The following CTNND2 variants were observed in gnomAD, a reference collection of about 807,000 sequenced individuals.
CTNND2 encodes the protein catenin delta 2, also known as catenin delta-2.
CTNND2 carries 22 observed loss-of-function variants against 144.4 expected under a neutral mutation model. That is an observed-to-expected ratio of 0.15 (90% CI 0.11 to 0.22). The LOEUF is 0.22. CTNND2 is among the 10% of genes least tolerant of loss of function. The probability of loss-of-function intolerance (pLI) is 1.00; values close to 1 mark genes in which losing one functional copy is unlikely to be tolerated. For missense variants in CTNND2, 1,353 were observed against 1,618.8 expected, an observed-to-expected ratio of 0.84 and a Z score of 2.82; for synonymous variants, 751 against 695.6, an observed-to-expected ratio of 1.08 and a Z score of -1.25.
rs16901934 is a variant in CTNND2, at chr5:11,848,759, A to G, written c.37+55058T>C. ...GGCATATGGTATATGTGGATTGTGT[A>G]TCATGTGAGTCAAATCCTGACCCAA... On this transcript the variant is annotated intron_variant, in intron 1 of 21. Transcript: ENST00000304623. Among the ~76,000 whole-genome samples the G allele has an allele frequency of 0.016, 2,407 of 152,218 alleles. 143 individuals carry two copies. The East Asian group carries it at 0.21, about 13-fold the overall frequency.
intron 3 of CTNND2, among the ~76,000 whole-genome samples, chr5:11,412,361 T>A (rs141834331): frequency 2.6e-5 from 4 of 152,168 alleles, no homozygotes. Flanking sequence ...TTCTTTACAA[T>A]AGCTTCTCTA....
At chr5:11,518,298 GAAT>G (rs59746661) in intron 3 of CTNND2, among the ~76,000 whole-genome samples, 91,983 of 151,674 alleles carry the variant, frequency 0.61, 28,470 homozygotes, top group African/African-American at 0.71. Flanking sequence ...AAAGCTTATA[GAAT>G]AATGATAGAA....
intron 16 of CTNND2, among the ~76,000 whole-genome samples, chr5:11,064,121 G>GCCC (rs2149600261): frequency 6.6e-6 from 1 of 152,198 alleles, no homozygotes; most frequent in Admixed American, 6.5e-5. Context: ...TGGAAGAAAT[G>GCCC]GAGTCCTCTT....
intron 3 of CTNND2, among the ~76,000 whole-genome samples, chr5:11,468,913 C>T (rs563503666): frequency 6.6e-6 from 1 of 152,256 alleles, no homozygotes; most frequent in Admixed American, 6.5e-5. Flanking sequence ...GTCACATTTG[C>T]CTGTGCTGTG....
At chr5:11,265,271 A>C (rs781075474) in intron 9 of CTNND2, among the ~76,000 whole-genome samples, 2 of 152,216 alleles carry the variant, frequency 1.3e-5, no homozygotes, top group African/African-American at 2.4e-5. Context: ...GGAAAAAATA[A>C]TGTACATGAG....
At chr5:11,878,488 G>A (rs1344940920) in intron 1 of CTNND2, among the ~76,000 whole-genome samples, 2 of 152,156 alleles carry the variant, frequency 1.3e-5, no homozygotes, top group Non-Finnish European at 2.9e-5. Flanking sequence ...TCAATACATA[G>A]AGAAAACAGA....
chr5:11,368,809 C>G (rs558051479), intron 7 of CTNND2, among the ~76,000 whole-genome samples: 2 of 152,280 alleles, frequency 1.3e-5, no homozygotes, highest in South Asian at 4.1e-4. Context: ...ACACCAAACT[C>G]TTTGATCCCC....
chr5:11,352,499 C>A (rs1422282173), intron 8 of CTNND2, among the ~76,000 whole-genome samples: 1 of 152,106 alleles, frequency 6.6e-6, no homozygotes, highest in Non-Finnish European at 1.5e-5. Flanking sequence ...CACCATGGCA[C>A]ACATTTATCT....
intron 7 of CTNND2, among the ~76,000 whole-genome samples, chr5:11,371,366 T>C (rs1172737005): frequency 6.6e-6 from 1 of 152,262 alleles, no homozygotes; most frequent in African/African-American, 2.4e-5. Flanking sequence ...CAGAAATGTG[T>C]ACTAGGTAAA....
rs897081709 is a variant in CTNND2 at position 10,977,020 on chromosome 5, C to A, written c.3418-3307G>T. Among the ~76,000 whole-genome samples the A allele has an allele frequency of 2.0e-5, 3 of 152,226 alleles. No homozygotes were observed. The East Asian group carries it at 5.8e-4, about 29-fold the overall frequency. ...CTGAATCAGGGCCTCTGGCGATGGG[C>A]CCCAGCAATCTGTGCTTTAACAGCC... On this transcript the variant is annotated intron_variant, in intron 21 of 21. Transcript: ENST00000304623.
chr5:11,466,041 A>C (rs145741111), intron 3 of CTNND2, among the ~76,000 whole-genome samples: 2 of 152,254 alleles, frequency 1.3e-5, no homozygotes, highest in Non-Finnish European at 2.9e-5. Flanking sequence ...TGGGGTTTTC[A>C]CTCTGTCACC....
At chr5:11,784,069 C>G (rs4530757) in intron 1 of CTNND2, among the ~76,000 whole-genome samples, 123,992 of 152,214 alleles carry the variant, frequency 0.81, 54,918 homozygotes, top group Non-Finnish European at 0.98. Context: ...AAAACAACAA[C>G]CACTTATAGA....
At chr5:11,293,418 G>A (rs1187418154) in intron 9 of CTNND2, among the ~76,000 whole-genome samples, 14 of 151,982 alleles carry the variant, frequency 9.2e-5, no homozygotes, top group Non-Finnish European at 4.4e-5. Flanking sequence ...AGATATCCAA[G>A]GGGAACTTAT....
At chr5:11,418,973 T>G (rs1211809268) in intron 3 of CTNND2, among the ~76,000 whole-genome samples, 1 of 150,830 alleles carries the variant, frequency 6.6e-6, no homozygotes, top group East Asian at 1.9e-4. Context: ...AATATACACA[T>G]TAATACATAT....
intron 2 of CTNND2, among the ~76,000 whole-genome samples, chr5:11,571,448 G>A (rs1186642763): frequency 6.6e-6 from 1 of 152,106 alleles, no homozygotes; most frequent in African/African-American, 2.4e-5. Flanking sequence ...TTGAGGAGGG[G>A]TGGGTCTCAA....
intron 11 of CTNND2, 68 bp downstream of exon 11, chr5:11,199,380 T>C: frequency 7.4e-7 from 1 of 1,359,076 alleles, no homozygotes; most frequent in Non-Finnish European, 1.0e-6. Flanking sequence ...TTAGTACATT[T>C]GCCTCTGTGT....
At chr5:11,430,096 A>G (rs1454521794) in intron 3 of CTNND2, among the ~76,000 whole-genome samples, 1 of 151,730 alleles carries the variant, frequency 6.6e-6, no homozygotes, top group Non-Finnish European at 1.5e-5. Flanking sequence ...CTAAAAATAC[A>G]AAAATTAGCC....
At position 11,398,742 on chromosome 5, in the gene CTNND2, T is replaced by C. The variant is rs187780582; in HGVS notation, c.440-1539A>G. 4.6e-5 allele frequency among the ~76,000 whole-genome samples: 7 copies of C among 152,292 alleles called. No individual in the cohort carries two copies. The East Asian group carries it at 1.4e-3, about 29-fold the overall frequency. ...ATGTACCAGATGGTAACATTTCCAA[T>C]AGCCTGGAAAAAAAATCATTTATTC... On this transcript the variant is annotated intron_variant, in intron 5 of 21. Coordinates refer to ENST00000304623, the MANE Select transcript of CTNND2 (RefSeq NM_001332.4).
intron 1 of CTNND2, among the ~76,000 whole-genome samples, chr5:11,824,186 T>G (rs1793480198): frequency 1.3e-5 from 2 of 151,878 alleles, no homozygotes; most frequent in African/African-American, 4.8e-5. Context: ...CTTGTTGCCA[T>G]GTCCCTCAGT....
Sources: gnomAD v4.1 joint callset for allele counts (sites outside exome capture counted in the v4.1 genomes callset) on GRCh38, gnomAD v4.1.1 for gene constraint, MANE v1.5 for transcripts, NCBI Gene and HGNC (gene_info 2026-07-23, HGNC 2026-07-21) for gene names.